The following EIF3K variants were observed in gnomAD, a reference collection of about 807,000 sequenced individuals.
EIF3K encodes the protein eIF-3 p28.
EIF3K carries 27 observed loss-of-function variants against 34.2 expected under a neutral mutation model. The observed-to-expected ratio is 0.79, with a 90% CI of 0.58 to 1.09. The LOEUF (loss-of-function observed/expected upper bound fraction) is 1.09, where lower values mean the gene tolerates loss of function less well. Among genes scored for constraint, EIF3K ranks in the 50% least tolerant of loss-of-function variants. The pLI, the probability that EIF3K is intolerant of heterozygous loss-of-function variation, is 0.00. For missense variants in EIF3K, 232 were observed against 275.4 expected (o/e 0.84, Z 1.11); for synonymous variants, 105 against 105.7 (o/e 0.99, Z 0.04).
At chr19:38,636,474 C>T (rs934900326) in intron 7 of EIF3K, among the ~76,000 whole-genome samples, 3 of 152,204 alleles carry the variant, frequency 2.0e-5, no homozygotes, top group Middle Eastern at 3.4e-3. Context: ...CAGAATGAGA[C>T]TGTGTCTCAA....
chr19:38,624,340 G>T (rs1599731793), intron 3 of EIF3K, 143 bp downstream of exon 3: 10 of 1,315,720 alleles, frequency 7.6e-6, no homozygotes, highest in Non-Finnish European at 1.0e-5. Context: ...GCTGGACAGT[G>T]CTGGGACACT....
intron 2 of EIF3K, 46 bp from the exon 3 acceptor site, chr19:38,624,031 G>C: frequency 6.2e-7 from 1 of 1,613,076 alleles, no homozygotes; most frequent in South Asian, 1.1e-5. Context: ...GAGGATTGGG[G>C]ACTTGGAGGT....
intron 7 of EIF3K, 64 bp from the exon 8 acceptor site, chr19:38,636,825 G>T: frequency 6.3e-7 from 1 of 1,585,904 alleles, no homozygotes; most frequent in Non-Finnish European, 8.7e-7. Flanking sequence ...GGGTGCTGTA[G>T]CAGGTGGCTG....
chr19:38,620,487 C>A, intron 2 of EIF3K, 52 bp downstream of exon 2: 2 of 1,508,326 alleles, frequency 1.3e-6, no homozygotes, highest in Non-Finnish European at 9.2e-7. Flanking sequence ...TAGCAGGGTG[C>A]CACTCCCAGT....
chr19:38,635,807 T>C (rs1976177204), intron 7 of EIF3K: 2 of 152,374 alleles, frequency 1.3e-5, no homozygotes, highest in South Asian at 2.1e-4. Flanking sequence ...AAGATTGCAG[T>C]GGCTACTCCG....
Position 38,636,896 on chromosome 19 carries a change from C to T in EIF3K, c.633C>T (p.Ser211=), listed in dbSNP as rs201760106. The change falls in exon 8 of 8, where the codon TCC becomes TCT. Residue 211 remains serine (S), a synonymous_variant. Coordinates refer to ENST00000248342, the MANE Select transcript of EIF3K (RefSeq NM_013234.4). ...GTCTCTCCTTCCCCACAGGTGTGTC[C>T]AGCATCATGGCCTCCTCCCAGTAAC... is the stretch of plus-strand genomic sequence containing the variant. ...IVEKIDFDSV[S]SIMASSQ 3 of 1,614,134 alleles carry T rather than the reference C, an allele frequency of 1.9e-6. No homozygotes were observed. Among genetic ancestry groups the T allele is most frequent in the South Asian group, 1.1e-5 (1 of 91,078 alleles).
chr19:38,625,977 G>T, intron 3 of EIF3K, 51 bp from the exon 4 acceptor site: 1 of 1,569,028 alleles, frequency 6.4e-7, no homozygotes, highest in Non-Finnish European at 8.8e-7. Context: ...GTGATCTGGG[G>T]TCCAACCTTA....
In EIF3K at chr19:38,635,457, G is replaced by A. The variant is rs150754854; in HGVS notation, c.625+339G>A. The A allele has an allele frequency of 1.2e-3, 498 of 400,580 alleles. 2 individuals are homozygous for A. The highest frequency in any genetic ancestry group is 8.9e-3 in the African/African-American group (450 of 50,402). 24.8% of individuals were successfully genotyped at this position (400,580 alleles called of 1,614,324 possible). Reference sequence around the variant, plus strand: ...CATCTTTTATTCTTGGGGTGCCCAAGCCTCATGTGCAGACTTGGAATCCGG... The same window carrying A: ...CATCTTTTATTCTTGGGGTGCCCAAACCTCATGTGCAGACTTGGAATCCGG... On this transcript the variant is annotated intron_variant, in intron 7 of 7. Transcript: ENST00000248342.
chr19:38,622,352 T>G (rs1253959101), intron 2 of EIF3K, among the ~76,000 whole-genome samples: 1 of 152,190 alleles, frequency 6.6e-6, no homozygotes, highest in Non-Finnish European at 1.5e-5. Context: ...ATTTTAAAGC[T>G]GGGCGTCCGG....
At chr19:38,633,308 C>G (rs1976110946) in intron 6 of EIF3K, among the ~76,000 whole-genome samples, 1 of 151,954 alleles carries the variant, frequency 6.6e-6, no homozygotes, top group African/African-American at 2.4e-5. Context: ...GGGCTCTGAT[C>G]AGATGGATAT....
chr19:38,635,514 G>T, intron 7 of EIF3K: 1 of 292,044 alleles, frequency 3.4e-6, no homozygotes, highest in South Asian at 1.0e-4. Flanking sequence ...CTCTAGTTTG[G>T]GTGATTCCAC....
intron 2 of EIF3K, 92 bp from the exon 3 acceptor site, chr19:38,623,985 C>A: frequency 6.3e-7 from 1 of 1,582,392 alleles, no homozygotes; most frequent in Non-Finnish European, 8.6e-7. Flanking sequence ...GTCCAATTCC[C>A]AAACTCCAGA....
Position 38,624,060 on chromosome 19 carries a change from CTT to C in EIF3K, c.159-16_159-15del, listed in dbSNP as rs771140166. On this transcript the variant is annotated splice_polypyrimidine_tract_variant and intron_variant, in intron 2 of 7. Transcript: ENST00000248342. ...TGGAGGTGCCACTGTGGCCACGTCT[CTT>C]GTTCTTTTTCTTAGGTACCAGTTCA... is the stretch of plus-strand genomic sequence containing the variant. The C allele has an allele frequency of 3.3e-4, 539 of 1,614,052 alleles. No individual in the cohort carries two copies. The highest frequency in any genetic ancestry group is 4.3e-4 in the Non-Finnish European group (513 of 1,179,954).
rs1241943114 is a variant in EIF3K at position 38,626,013 on chromosome 19, G to A, written c.280-15G>A. On this transcript the variant is annotated splice_polypyrimidine_tract_variant and intron_variant, in intron 3 of 7. Transcript: ENST00000248342. ...CGCTCCGAGGCCAGTTTTCCTTAAT[G>A]CTTCCTCCTCCCAGCAAGAAGAACG... 3.7e-6 allele frequency: 6 copies of A among 1,614,068 alleles called. No homozygotes were observed. The East Asian group carries it at 1.1e-4, about 30-fold the overall frequency.
At position 38,620,242 on chromosome 19, in the gene EIF3K, G is replaced by A. The variant is rs1975809490; in HGVS notation, c.60-95G>A. On this transcript the variant is annotated intron_variant, in intron 1 of 7. Coordinates refer to ENST00000248342, the MANE Select transcript of EIF3K (RefSeq NM_013234.4). ...CCAGTGCCAGATTTAGAGGGGAAGG[G>A]CGGGAGGAGCAGGTTACAGTGGCCC... 5.2e-6 allele frequency: 5 copies of A among 967,292 alleles called. No homozygotes were observed. The Admixed American group carries it at 8.1e-5, about 16-fold the overall frequency. 59.9% of individuals were successfully genotyped at this position (967,292 alleles called of 1,614,324 possible).
intron 4 of EIF3K, among the ~76,000 whole-genome samples, chr19:38,626,726 C>G (rs1975958903): frequency 6.6e-6 from 1 of 152,200 alleles, no homozygotes; most frequent in African/African-American, 2.4e-5. Context: ...ACTTCTGCAG[C>G]CCCCTAAGTG....
At chr19:38,624,737 CA>C (rs796560133) in intron 3 of EIF3K, among the ~76,000 whole-genome samples, 34 of 138,402 alleles carry the variant, frequency 2.5e-4, no homozygotes, top group Non-Finnish European at 2.2e-4. Flanking sequence ...GACTCTGTCT[CA>C]AAAAAAAAAA....
At chr19:38,625,541 G>T in intron 3 of EIF3K, among the ~76,000 whole-genome samples, 1 of 144,598 alleles carries the variant, frequency 6.9e-6, no homozygotes, top group African/African-American at 2.8e-5. Context: ...ATGGAGTCTT[G>T]CTCTGTCATC....
Position 38,624,115 on chromosome 19 carries a change from C to T in EIF3K, c.197C>T (p.Thr66Ile). The T allele has an allele frequency of 6.2e-7, 1 of 1,614,220 alleles. No homozygotes were observed. The highest frequency in any genetic ancestry group is 1.3e-5 in the African/African-American group (1 of 75,048). The change falls in exon 3 of 8, where the codon ACC becomes ATC. Residue 66 changes from threonine (T) to isoleucine (I), a missense_variant. Transcript: ENST00000248342. Reference protein sequence around the residue: ...FNPAFFQTTVTAQILLKALTN... With the variant: ...FNPAFFQTTVIAQILLKALTN... ...CCAGCCTTCTTTCAGACCACGGTCA[C>T]CGCCCAGATCCTGCTGAAGGCCCTC...
Sources: gnomAD v4.1 joint callset for allele counts (sites outside exome capture counted in the v4.1 genomes callset) on GRCh38, gnomAD v4.1.1 for gene constraint, MANE v1.5 for transcripts, NCBI Gene and HGNC (gene_info 2026-07-23, HGNC 2026-07-21) for gene names.